The following JPH3 variants were observed in gnomAD, a reference collection of about 807,000 sequenced individuals.
The protein encoded by JPH3 is junctophilin-3.
JPH3 carries 11 observed loss-of-function variants against 59.6 expected under a neutral mutation model. The observed-to-expected ratio is 0.18, with a 90% CI of 0.12 to 0.31. JPH3 has a LOEUF of 0.31. Among genes scored for constraint, JPH3 ranks in the 10% least tolerant of loss-of-function variants. JPH3 has a pLI of 1.00. For synonymous variants in JPH3, 673 were observed against 483.6 expected, an observed-to-expected ratio of 1.39 and a Z score of -5.14; for missense variants, 1,202 against 1,105.7, an observed-to-expected ratio of 1.09 and a Z score of -1.24.
chr16:87,632,087 G>A (rs1169409855), intron 1 of JPH3, among the ~76,000 whole-genome samples: 1 of 152,096 alleles, frequency 6.6e-6, no homozygotes. Context: ...AGTGAGGTAC[G>A]AAAAAGCTGA....
intron 4 of JPH3, among the ~76,000 whole-genome samples, chr16:87,692,197 TTCCCTCCCTGTC>T (rs1270270584): frequency 1.7e-5 from 2 of 120,328 alleles, no homozygotes; most frequent in Admixed American, 8.1e-5. Context: ...CAAACAAGGT[TTCCCTCCCTGTC>T]TCCCTCCCCG....
chr16:87,635,634 G>GT (rs2031715064), intron 1 of JPH3, among the ~76,000 whole-genome samples: 1 of 152,218 alleles, frequency 6.6e-6, no homozygotes, highest in Admixed American at 6.5e-5. Context: ...GAAGGGAGGG[G>GT]TACAGCCCTG....
chr16:87,634,356 T>TTG (rs1357696761), intron 1 of JPH3, among the ~76,000 whole-genome samples: 1 of 151,870 alleles, frequency 6.6e-6, no homozygotes, highest in East Asian at 1.9e-4. Flanking sequence ...AAGTGGAAGA[T>TTG]GGGTGCTGGT....
intron 1 of JPH3, among the ~76,000 whole-genome samples, chr16:87,631,017 T>G (rs2031549484): frequency 6.6e-6 from 1 of 152,230 alleles, no homozygotes; most frequent in South Asian, 2.1e-4. Context: ...TTGTCTCGCT[T>G]TTTTTCAGTT....
At chr16:87,661,561 A>G (rs2032704045) in intron 2 of JPH3, among the ~76,000 whole-genome samples, 1 of 152,228 alleles carries the variant, frequency 6.6e-6, no homozygotes, top group South Asian at 2.1e-4. Context: ...GTGACTGTCC[A>G]GGGAGGCTGG....
chr16:87,692,633 T>C (rs996229875), intron 4 of JPH3, among the ~76,000 whole-genome samples: 1 of 151,972 alleles, frequency 6.6e-6, no homozygotes, highest in African/African-American at 2.4e-5. Context: ...TTCTGGCCCG[T>C]GTAGGGCCCT....
At chr16:87,658,135 C>T (rs1075572) in intron 2 of JPH3, among the ~76,000 whole-genome samples, 35,236 of 152,028 alleles carry the variant, frequency 0.23, 4,483 homozygotes, top group South Asian at 0.41. Context: ...TTAATGGGCC[C>T]AACACCAACC....
At chr16:87,626,510 G>C (rs1427687949) in intron 1 of JPH3, among the ~76,000 whole-genome samples, 1 of 152,244 alleles carries the variant, frequency 6.6e-6, no homozygotes, top group African/African-American at 2.4e-5. Flanking sequence ...GTGGTGTGGG[G>C]GCCCCTGTGC....
chr16:87,627,249 C>T (rs1313429891), intron 1 of JPH3, among the ~76,000 whole-genome samples: 1 of 152,244 alleles, frequency 6.6e-6, no homozygotes, highest in Non-Finnish European at 1.5e-5. Flanking sequence ...GCCCCAGCCC[C>T]CAGTTCCTGA....
chr16:87,692,722 G>A lies in JPH3; in HGVS notation c.2166+2196G>A, dbSNP rs1183479252. 2.0e-5 allele frequency among the ~76,000 whole-genome samples: 3 copies of A among 152,242 alleles called. 1 individual carries two copies. The highest frequency in any genetic ancestry group is 4.1e-4 in the South Asian group (2 of 4,838). On this transcript the variant is annotated intron_variant, in intron 4 of 4. Coordinates refer to ENST00000284262, the MANE Select transcript of JPH3 (RefSeq NM_020655.4). ...CTACTGGTGAAGGAACTCTGGCCCT[G>A]GCTGTTTCCCTCTTGGTGAAATGAT...
At chr16:87,693,343 T>C (rs1237400380) in intron 4 of JPH3, among the ~76,000 whole-genome samples, 1 of 152,246 alleles carries the variant, frequency 6.6e-6, no homozygotes, top group Non-Finnish European at 1.5e-5. Flanking sequence ...CTTTGCTGAC[T>C]GGGGTTCAGC....
intron 2 of JPH3, among the ~76,000 whole-genome samples, chr16:87,672,268 C>T (rs1489358461): frequency 6.6e-6 from 1 of 152,146 alleles, no homozygotes; most frequent in Non-Finnish European, 1.5e-5. Flanking sequence ...TGCGCTTTGT[C>T]ATGGAAACTG....
chr16:87,607,699 A>G (rs1018064195), intron 1 of JPH3, among the ~76,000 whole-genome samples: 1 of 152,232 alleles, frequency 6.6e-6, no homozygotes, highest in African/African-American at 2.4e-5. Flanking sequence ...ATAAACTACC[A>G]TGGGGCGTAT....
At chr16:87,688,782 G>T (rs2033481143) in intron 3 of JPH3, among the ~76,000 whole-genome samples, 1 of 152,198 alleles carries the variant, frequency 6.6e-6, no homozygotes, top group Non-Finnish European at 1.5e-5. Context: ...TTCCCCGGAG[G>T]GTAAGAAGCG....
At chr16:87,696,043 T>G (rs747238598) in intron 4 of JPH3, 1 of 455,936 alleles carries the variant, frequency 2.2e-6, no homozygotes, top group South Asian at 1.5e-5. Context: ...GTGAGGGGTT[T>G]GTTGAGGAAG....
At position 87,658,572 on chromosome 16, in the gene JPH3, C is replaced by CT. The variant is rs2032588385; in HGVS notation, c.1160+13538dup. 2.6e-5 allele frequency among the ~76,000 whole-genome samples: 4 copies of CT among 152,290 alleles called. No homozygotes were observed. The South Asian group carries it at 8.3e-4, about 32-fold the overall frequency. ...CTCTCTCCCCAACCCCCCTGTTTCT[C>CT]TATCTCTTCACCTGTGAATTCCTGA... is the stretch of plus-strand genomic sequence containing the variant. On this transcript the variant is annotated intron_variant, in intron 2 of 4. Coordinates refer to ENST00000284262, the MANE Select transcript of JPH3 (RefSeq NM_020655.4).
chr16:87,647,575 C>T (rs895518650), intron 2 of JPH3, among the ~76,000 whole-genome samples: 38 of 152,170 alleles, frequency 2.5e-4, no homozygotes, highest in African/African-American at 7.5e-4. Flanking sequence ...TTCGCCCGAG[C>T]GGGCGTCGCG....
intron 1 of JPH3, among the ~76,000 whole-genome samples, chr16:87,637,505 T>C (rs752226653): frequency 3.9e-5 from 6 of 152,088 alleles, no homozygotes. Flanking sequence ...GGGCCTGAAG[T>C]GTGTCCTGTG....
At chr16:87,676,629 G>A (rs975201555) in intron 2 of JPH3, among the ~76,000 whole-genome samples, 54 of 152,038 alleles carry the variant, frequency 3.6e-4, no homozygotes, top group African/African-American at 1.2e-3. Flanking sequence ...AGCTACATGG[G>A]TGCCTGAGGC....
Sources: gnomAD v4.1 joint callset for allele counts (sites outside exome capture counted in the v4.1 genomes callset) on GRCh38, gnomAD v4.1.1 for gene constraint, MANE v1.5 for transcripts, NCBI Gene and HGNC (gene_info 2026-07-23, HGNC 2026-07-21) for gene names.